Variants in DMD observed in about 807,000 individuals in gnomAD.
DMD encodes the protein dystrophin, also known as mutant dystrophin.
Under a neutral mutation model 330.1 loss-of-function variants are expected in DMD, and 63 were observed. The ratio of observed to expected loss-of-function variants is 0.19; its 90% CI spans 0.16 to 0.24. The LOEUF is 0.24. Ranked by LOEUF, DMD falls within the 10% of genes least tolerant of loss-of-function variation. The pLI is 1.00. For missense variants in DMD, 3,344 were observed against 2,684.1 expected (o/e 1.25, Z -5.43); for synonymous variants, 1,223 against 959.8 (o/e 1.27, Z -5.07).
chrX:32,770,187 T>A (rs17341059), intron 7 of DMD, among the ~76,000 whole-genome samples: 1,187 of 111,766 alleles, frequency 0.011, 21 homozygotes, highest in Admixed American at 0.052. Context: ...AACAAGAGAA[T>A]GACATGCTTA....
chrX:33,138,389 C>T (rs898951253), intron 1 of DMD, among the ~76,000 whole-genome samples: 2 of 111,824 alleles, frequency 1.8e-5, no homozygotes, highest in Non-Finnish European at 3.8e-5. Context: ...TCTGGCATTA[C>T]TTAATTCGTA....
chrX:32,813,594 C>T (rs2077520229), intron 6 of DMD, among the ~76,000 whole-genome samples: 1 of 111,858 alleles, frequency 8.9e-6, no homozygotes, highest in Non-Finnish European at 1.9e-5. Context: ...TATTATTTTG[C>T]TGTAATGTTA....
At chrX:32,718,383 C>T (rs1362273468) in intron 7 of DMD, among the ~76,000 whole-genome samples, 2 of 111,055 alleles carry the variant, frequency 1.8e-5, no homozygotes, top group African/African-American at 6.6e-5. Context: ...CCATGTAAGC[C>T]GTGCCTACTT....
chrX:31,422,709 T>C (rs1208947353), intron 60 of DMD, among the ~76,000 whole-genome samples: 1 of 112,223 alleles, frequency 8.9e-6, no homozygotes, highest in Non-Finnish European at 1.9e-5. Context: ...TGCATACCTA[T>C]ACTACCACAC....
At chrX:32,686,471 G>T (rs1183564142) in intron 9 of DMD, among the ~76,000 whole-genome samples, 1 of 102,089 alleles carries the variant, frequency 9.8e-6, no homozygotes, top group Non-Finnish European at 2.0e-5. Flanking sequence ...AGGCAGGAGA[G>T]TTGCTTGAAC....
chrX:31,268,019 T>C, intron 62 of DMD, among the ~76,000 whole-genome samples: 1 of 112,193 alleles, frequency 8.9e-6, no homozygotes, highest in Non-Finnish European at 1.9e-5. Context: ...GATTGATTCA[T>C]TCCACTTCGG....
intron 9 of DMD, among the ~76,000 whole-genome samples, chrX:32,665,898 A>G (rs930195784): frequency 8.9e-6 from 1 of 111,787 alleles, no homozygotes; most frequent in African/African-American, 3.3e-5. Context: ...TTTATGAAAG[A>G]TCATTCTGGA....
chrX:32,533,820 C>A (rs1244301140), intron 17 of DMD, among the ~76,000 whole-genome samples: 2 of 111,725 alleles, frequency 1.8e-5, no homozygotes, highest in East Asian at 5.6e-4. Context: ...CTGTGGGAGG[C>A]AATTTAAACT....
intron 1 of DMD, among the ~76,000 whole-genome samples, chrX:33,077,421 T>C (rs1184366226): frequency 9.0e-6 from 1 of 111,555 alleles, no homozygotes; most frequent in East Asian, 2.8e-4. Flanking sequence ...GTGGTTTCAA[T>C]CCCTTCCTTT....
intron 43 of DMD, among the ~76,000 whole-genome samples, chrX:32,283,800 G>A (rs1263110172): frequency 9.0e-6 from 1 of 111,064 alleles, no homozygotes; most frequent in Non-Finnish European, 1.9e-5. Flanking sequence ...GCAGAGTTGA[G>A]TAGTTGTGAC....
At chrX:32,130,950 C>T (rs1009990692) in intron 44 of DMD, among the ~76,000 whole-genome samples, 3 of 111,811 alleles carry the variant, frequency 2.7e-5, no homozygotes, top group Non-Finnish European at 3.8e-5. Flanking sequence ...TTTGGGAGGC[C>T]GTGGAGGGCA....
chrX:32,966,177 A>C (rs1476217182), intron 2 of DMD, among the ~76,000 whole-genome samples: 1 of 111,876 alleles, frequency 8.9e-6, no homozygotes, highest in Non-Finnish European at 1.9e-5. Flanking sequence ...GGGGTTAAGG[A>C]TCTCCTGATA....
chrX:32,584,324 T>A (rs752731928), intron 13 of DMD, among the ~76,000 whole-genome samples: 13 of 112,073 alleles, frequency 1.2e-4, no homozygotes, highest in Admixed American at 1.9e-4. Context: ...CATTTACTAC[T>A]GGTGAGAATA....
chrX:33,263,145 T>C (rs1471761711), intron 1 of DMD, among the ~76,000 whole-genome samples: 1 of 110,548 alleles, frequency 9.0e-6, no homozygotes, highest in Non-Finnish European at 1.9e-5. Flanking sequence ...TTAGTCATCC[T>C]CCAGTTGTTT....
At chrX:32,145,874 A>C (rs1400310684) in intron 44 of DMD, among the ~76,000 whole-genome samples, 1 of 112,056 alleles carries the variant, frequency 8.9e-6, no homozygotes. Flanking sequence ...TTTACTAATT[A>C]CTGTAAACTA....
At chrX:32,635,485 T>C (rs1387612176) in intron 11 of DMD, among the ~76,000 whole-genome samples, 2 of 111,996 alleles carry the variant, frequency 1.8e-5, no homozygotes, top group Middle Eastern at 4.7e-3. Flanking sequence ...GGTGACCATA[T>C]AAAATGACTA....
rs951616147 is a variant in DMD, at chrX:32,720,029, TAAGTA to T, written c.650-20741_650-20737del. 1.9e-3 allele frequency among the ~76,000 whole-genome samples: 212 copies of T among 110,671 alleles called. 2 individuals are homozygous for T. The highest frequency in any genetic ancestry group is 1.7e-3 in the Non-Finnish European group (88 of 52,825). On this transcript the variant is annotated intron_variant, in intron 7 of 78. Transcript: ENST00000357033. ...TAATATTAAAGTAAATTAAATATAT[TAAGTA>T]AATAAAATACACAAGATACTTACAA...
intron 7 of DMD, among the ~76,000 whole-genome samples, chrX:32,768,162 A>G: frequency 8.9e-6 from 1 of 112,071 alleles, no homozygotes; most frequent in Non-Finnish European, 1.9e-5. Context: ...CAAAAGAAAA[A>G]TATGTTAAAA....
intron 1 of DMD, among the ~76,000 whole-genome samples, chrX:33,031,096 A>G (rs1487341042): frequency 9.0e-6 from 1 of 111,053 alleles, no homozygotes; most frequent in Non-Finnish European, 1.9e-5. Context: ...GAGTTCACCT[A>G]TAACTATAGT....
Sources: gnomAD v4.1 joint callset for allele counts (sites outside exome capture counted in the v4.1 genomes callset) on GRCh38, gnomAD v4.1.1 for gene constraint, MANE v1.5 for transcripts, NCBI Gene and HGNC (gene_info 2026-07-23, HGNC 2026-07-21) for gene names.